The following TSNARE1 variants were observed in gnomAD, a reference collection of about 807,000 sequenced individuals.
The protein encoded by TSNARE1 is t-SNARE domain containing 1.
A neutral mutation model predicts 62.0 loss-of-function variants in TSNARE1; 49 were observed. The observed-to-expected ratio is 0.79, with a 90% CI of 0.63 to 1.00. The LOEUF is 1.00. Ranked by LOEUF, TSNARE1 falls within the 50% of genes least tolerant of loss-of-function variation. The pLI, the probability that TSNARE1 is intolerant of heterozygous loss-of-function variation, is 0.00. For synonymous variants in TSNARE1, 328 were observed against 294.4 expected, an observed-to-expected ratio of 1.11 and a Z score of -1.17; for missense variants, 755 against 700.1, an observed-to-expected ratio of 1.08 and a Z score of -0.88.
chr8:142,272,830 A>G, intron 12 of TSNARE1: 1 of 982,074 alleles, frequency 1.0e-6, no homozygotes, highest in Non-Finnish European at 1.2e-6. Context: ...CGCAGGCGGG[A>G]ACAGGACATT....
intron 2 of TSNARE1, among the ~76,000 whole-genome samples, chr8:142,350,016 G>C (rs534896573): frequency 7.1e-6 from 1 of 141,842 alleles, no homozygotes; most frequent in Admixed American, 7.0e-5. Context: ...GCAAGGCTGG[G>C]ACCAGGGCAG....
At chr8:142,378,011 C>T (rs994131630) in intron 1 of TSNARE1, among the ~76,000 whole-genome samples, 2 of 152,216 alleles carry the variant, frequency 1.3e-5, no homozygotes, top group African/African-American at 2.4e-5. Flanking sequence ...CAGGGATCCG[C>T]GCGGTGAACT....
chr8:142,290,203 G>A (rs760881316), intron 10 of TSNARE1, among the ~76,000 whole-genome samples: 1 of 152,190 alleles, frequency 6.6e-6, no homozygotes, highest in African/African-American at 2.4e-5. Context: ...GCCAAGGCCA[G>A]GCCTGAGAAG....
intron 1 of TSNARE1, among the ~76,000 whole-genome samples, chr8:142,391,007 G>A (rs1243344209): frequency 6.8e-6 from 1 of 147,458 alleles, no homozygotes; most frequent in Non-Finnish European, 1.5e-5. Context: ...GTACACTGCG[G>A]GGGACTCTGT....
intron 12 of TSNARE1, chr8:142,274,208 A>G (rs921119485): frequency 8.1e-6 from 8 of 985,298 alleles, no homozygotes; most frequent in African/African-American, 1.7e-5. Flanking sequence ...AGGGGAAGAC[A>G]GCGGCTGGGC....
At chr8:142,339,269 G>A (rs576091303) in intron 4 of TSNARE1, among the ~76,000 whole-genome samples, 10 of 152,304 alleles carry the variant, frequency 6.6e-5, no homozygotes, top group Middle Eastern at 3.4e-3. Flanking sequence ...CCGAAGGAGC[G>A]AAGAATCGGA....
chr8:142,215,919 A>G (rs1442476832), intron 13 of TSNARE1, among the ~76,000 whole-genome samples: 1 of 152,196 alleles, frequency 6.6e-6, no homozygotes, highest in Non-Finnish European at 1.5e-5. Context: ...TTGTGGTGCC[A>G]TGGAATTCGG....
At chr8:142,300,840 C>T (rs968619644) in intron 9 of TSNARE1, among the ~76,000 whole-genome samples, 196 bp from the exon 10 acceptor site, 1 of 152,184 alleles carries the variant, frequency 6.6e-6, no homozygotes, top group African/African-American at 2.4e-5. Context: ...CTCCCAGGCG[C>T]CGGTCACCTG....
intron 7 of TSNARE1, among the ~76,000 whole-genome samples, chr8:142,317,861 G>A (rs1194549313): frequency 6.6e-6 from 1 of 152,222 alleles, no homozygotes; most frequent in Non-Finnish European, 1.5e-5. Context: ...AGGAGGCTGA[G>A]GCATGAGAAT....
At chr8:142,300,249 A>G (rs1041395708) in intron 10 of TSNARE1, 11 of 483,998 alleles carry the variant, frequency 2.3e-5, no homozygotes, top group African/African-American at 2.1e-4. Context: ...GCTGTGCCCT[A>G]TTAGGGAAAC....
At chr8:142,396,230 C>T (rs925368981) in intron 1 of TSNARE1, among the ~76,000 whole-genome samples, 4 of 152,062 alleles carry the variant, frequency 2.6e-5, no homozygotes, top group African/African-American at 9.7e-5. Context: ...AGGCGATAAA[C>T]ACAAACACAC....
intron 9 of TSNARE1, among the ~76,000 whole-genome samples, chr8:142,306,619 G>A (rs1336094351): frequency 2.6e-5 from 4 of 152,218 alleles, no homozygotes; most frequent in South Asian, 2.1e-4. Flanking sequence ...AGTGCCCCTC[G>A]CACCTGCCAG....
At chr8:142,386,852 A>G (rs1235713405) in intron 1 of TSNARE1, among the ~76,000 whole-genome samples, 4 of 152,354 alleles carry the variant, frequency 2.6e-5, no homozygotes, top group South Asian at 2.1e-4. Context: ...AGACAGAAAC[A>G]TATCAATGGT....
rs538054154 is a variant in TSNARE1, at chr8:142,277,598, GA to G, written c.1364-2736del. On this transcript the variant is annotated intron_variant, in intron 11 of 13. Coordinates refer to ENST00000524325, the MANE Select transcript of TSNARE1 (RefSeq NM_145003.5). ...CTACTTCCTGCCTCTGCGCCCACAAGAGGAAGTCTGGCCCTGTCCTAAGCAC... is the reference window on the plus strand; with the variant it reads ...CTACTTCCTGCCTCTGCGCCCACAAGGGAAGTCTGGCCCTGTCCTAAGCAC... The G allele has an allele frequency of 8.7e-5, 86 of 985,416 alleles. 1 individual carries two copies. In the South Asian group the frequency reaches 3.8e-3, roughly 44 times the overall value. The allele number at this position is 985,416 out of a possible 1,614,324, so 61.0% of individuals were successfully genotyped here. A position where few individuals can be genotyped will look rare whatever the true frequency, so the allele number is the denominator to read the frequency against.
At chr8:142,379,254 G>A (rs1185946023) in intron 1 of TSNARE1, among the ~76,000 whole-genome samples, 1 of 152,252 alleles carries the variant, frequency 6.6e-6, no homozygotes, top group Non-Finnish European at 1.5e-5. Context: ...CCGTCACGGA[G>A]TAGGCACCAC....
At chr8:142,285,182 T>C (rs554859361) in intron 10 of TSNARE1, among the ~76,000 whole-genome samples, 1 of 149,250 alleles carries the variant, frequency 6.7e-6, no homozygotes, top group African/African-American at 2.5e-5. Flanking sequence ...GATGGATGGG[T>C]GGGTGATGGG....
intron 1 of TSNARE1, among the ~76,000 whole-genome samples, chr8:142,366,643 A>G (rs775900370): frequency 5.9e-5 from 9 of 152,186 alleles, no homozygotes; most frequent in Non-Finnish European, 8.8e-5. Flanking sequence ...ATGATAAAAT[A>G]AAGAACCTTT....
chr8:142,367,178 G>A (rs550666390), intron 1 of TSNARE1, among the ~76,000 whole-genome samples: 9 of 152,280 alleles, frequency 5.9e-5, no homozygotes, highest in African/African-American at 1.9e-4. Context: ...TCACAAAGAC[G>A]TCAGTTTTCC....
chr8:142,345,432 G>A (rs370056410), intron 3 of TSNARE1, among the ~76,000 whole-genome samples: 23 of 152,322 alleles, frequency 1.5e-4, no homozygotes, highest in African/African-American at 3.6e-4. Flanking sequence ...AAGGACAGTC[G>A]GGCTTGAGGG....
Sources: gnomAD v4.1 joint callset for allele counts (sites outside exome capture counted in the v4.1 genomes callset) on GRCh38, gnomAD v4.1.1 for gene constraint, MANE v1.5 for transcripts, NCBI Gene and HGNC (gene_info 2026-07-23, HGNC 2026-07-21) for gene names.